CSMD1: variants seen among roughly 807,000 people sequenced by gnomAD.
CSMD1 encodes CUB and sushi domain-containing protein 1.
CSMD1 carries 213 observed loss-of-function variants against 417.5 expected under a neutral mutation model. The ratio of observed to expected loss-of-function variants is 0.51; its 90% CI spans 0.46 to 0.57. CSMD1 has a LOEUF of 0.57. CSMD1 is among the 20% of genes least tolerant of loss of function. The pLI is 0.00. For synonymous variants in CSMD1, 2,862 were observed against 1,736.8 expected, an observed-to-expected ratio of 1.65 and a Z score of -16.11; for missense variants, 6,923 against 4,529.7, an observed-to-expected ratio of 1.53 and a Z score of -15.17.
At chr8:4,563,178 G>T (rs1357927564) in intron 2 of CSMD1, among the ~76,000 whole-genome samples, 1 of 152,130 alleles carries the variant, frequency 6.6e-6, no homozygotes, top group African/African-American at 2.4e-5. Flanking sequence ...GAGGCAGGCG[G>T]ATCACGAGGT....
chr8:4,893,099 A>C (rs760753714), intron 1 of CSMD1, among the ~76,000 whole-genome samples: 2 of 152,080 alleles, frequency 1.3e-5, no homozygotes, highest in Non-Finnish European at 1.5e-5. Context: ...ACTGGATATT[A>C]TCTCTCTTTC....
At position 3,901,623 on chromosome 8, in the gene CSMD1, C is replaced by G. The variant is rs116126478; in HGVS notation, c.818+96280G>C. Among the ~76,000 whole-genome samples the G allele has an allele frequency of 5.5e-3, 842 of 152,236 alleles. 8 individuals are homozygous for G. Among genetic ancestry groups the G allele is most frequent in the African/African-American group, 0.019 (801 of 41,524 alleles). On this transcript the variant is annotated intron_variant, in intron 5 of 69. Transcript: ENST00000635120. ...CTTTTGATAGTTTCTCTGAAAACCA[C>G]CGAAGTAAAACAGTATCTGGCTCCT... is the stretch of plus-strand genomic sequence containing the variant.
At chr8:4,694,778 C>T (rs995319641) in intron 1 of CSMD1, among the ~76,000 whole-genome samples, 1 of 152,142 alleles carries the variant, frequency 6.6e-6, no homozygotes, top group Non-Finnish European at 1.5e-5. Context: ...GGCTGTGTCA[C>T]GGGACTGCGC....
chr8:3,612,491 C>A (rs576362129), intron 8 of CSMD1, among the ~76,000 whole-genome samples: 12 of 152,216 alleles, frequency 7.9e-5, no homozygotes, highest in African/African-American at 2.4e-4. Context: ...CACCCAACAA[C>A]ACTAAAATAT....
intron 3 of CSMD1, among the ~76,000 whole-genome samples, chr8:4,086,102 CTAGT>C (rs947403915): frequency 6.6e-6 from 1 of 152,146 alleles, no homozygotes; most frequent in African/African-American, 2.4e-5. Flanking sequence ...ATTTTTCCTA[CTAGT>C]TATTCTATGA....
intron 2 of CSMD1, among the ~76,000 whole-genome samples, chr8:4,601,677 C>T (rs558452329): frequency 1.3e-5 from 2 of 152,150 alleles, no homozygotes; most frequent in Non-Finnish European, 2.9e-5. Flanking sequence ...CCATACCCCT[C>T]ATCATGCAAT....
chr8:4,674,141 A>G lies in CSMD1; in HGVS notation c.86-36583T>C, dbSNP rs534471423. Among the ~76,000 whole-genome samples, 6 of 152,324 alleles carry G rather than the reference A, an allele frequency of 3.9e-5. No individual in the cohort carries two copies. In the South Asian group the frequency reaches 6.2e-4, roughly 16 times the overall value. ...ATTGGCCATCTCACAGCAGATGTCCACTGGAACCATAGATGAGGTGGGAAA... is the reference window on the plus strand; with the variant it reads ...ATTGGCCATCTCACAGCAGATGTCCGCTGGAACCATAGATGAGGTGGGAAA... On this transcript the variant is annotated intron_variant, in intron 1 of 69. Coordinates refer to ENST00000635120, the MANE Select transcript of CSMD1 (RefSeq NM_033225.6).
At chr8:3,620,194 C>G (rs2449236) in intron 7 of CSMD1, among the ~76,000 whole-genome samples, 103,052 of 151,834 alleles carry the variant, frequency 0.68, 35,371 homozygotes, top group African/African-American at 0.77. Context: ...TCTAGGAAAA[C>G]CATCCTTCAA....
chr8:4,907,570 G>T (rs117404406), intron 1 of CSMD1, among the ~76,000 whole-genome samples: 4 of 151,824 alleles, frequency 2.6e-5, no homozygotes, highest in African/African-American at 9.7e-5. Context: ...TTGTTTTATT[G>T]GTTTTTTGAG....
At chr8:3,918,789 C>T (rs187763358) in intron 5 of CSMD1, among the ~76,000 whole-genome samples, 78 of 152,158 alleles carry the variant, frequency 5.1e-4, no homozygotes, top group Admixed American at 4.3e-3. Context: ...GAAAACCAAA[C>T]ATTTTATGTT....
At chr8:3,485,676 C>T (rs1163888022) in intron 11 of CSMD1, among the ~76,000 whole-genome samples, 1 of 151,832 alleles carries the variant, frequency 6.6e-6, no homozygotes, top group African/African-American at 2.4e-5. Flanking sequence ...ATGAGAATCC[C>T]TTGAACTTGA....
intron 46 of CSMD1, 147 bp downstream of exon 46, chr8:3,106,381 G>C (rs1029836997): frequency 1.8e-6 from 1 of 545,668 alleles, no homozygotes; most frequent in Non-Finnish European, 3.2e-6. Context: ...CTGGGTGACA[G>C]AGTAAGACCC....
chr8:3,877,789 G>C (rs1805928857), intron 5 of CSMD1, among the ~76,000 whole-genome samples: 1 of 152,162 alleles, frequency 6.6e-6, no homozygotes, highest in African/African-American at 2.4e-5. Context: ...GGCATGTTAA[G>C]TTAAATGGAA....
chr8:3,813,819 A>C (rs1172123089), intron 5 of CSMD1, among the ~76,000 whole-genome samples: 2 of 152,142 alleles, frequency 1.3e-5, no homozygotes, highest in East Asian at 3.9e-4. Flanking sequence ...AACTTAAAGT[A>C]TGTCTTCTTG....
At chr8:3,801,910 C>T (rs1421947486) in intron 5 of CSMD1, among the ~76,000 whole-genome samples, 13 of 151,904 alleles carry the variant, frequency 8.6e-5, no homozygotes, top group Non-Finnish European at 1.8e-4. Context: ...ATACCCAATG[C>T]CTAGGGTATA....
chr8:3,044,175 T>C (rs1279129753), intron 50 of CSMD1, among the ~76,000 whole-genome samples: 4 of 152,212 alleles, frequency 2.6e-5, no homozygotes, highest in Non-Finnish European at 5.9e-5. Flanking sequence ...TACCATGTCA[T>C]AGTGAGCATT....
intron 1 of CSMD1, among the ~76,000 whole-genome samples, chr8:4,800,783 G>T (rs1283020894): frequency 6.6e-6 from 1 of 152,204 alleles, no homozygotes; most frequent in Non-Finnish European, 1.5e-5. Context: ...CACCACCTAG[G>T]AGGTGGGTTT....
chr8:3,426,476 G>T lies in CSMD1; in HGVS notation c.1562-16871C>A, dbSNP rs1361277940. Among the ~76,000 whole-genome samples, 4 of 152,146 alleles carry T rather than the reference G, an allele frequency of 2.6e-5. No homozygotes were observed. In the South Asian group the frequency reaches 6.2e-4, roughly 24 times the overall value. On this transcript the variant is annotated intron_variant, in intron 12 of 69. Coordinates refer to ENST00000635120, the MANE Select transcript of CSMD1 (RefSeq NM_033225.6). ...AATCAATTAATGGAAAAGGAAGCTG[G>T]AGACTGTCCACCTGCTCTTTCCCTC... is the stretch of plus-strand genomic sequence containing the variant.
chr8:4,428,558 A>G (rs1797694282), intron 2 of CSMD1, among the ~76,000 whole-genome samples: 1 of 152,180 alleles, frequency 6.6e-6, no homozygotes, highest in Admixed American at 6.5e-5. Context: ...GTATTTTCCT[A>G]CAATAAACTT....
Sources: gnomAD v4.1 joint callset for allele counts (sites outside exome capture counted in the v4.1 genomes callset) on GRCh38, gnomAD v4.1.1 for gene constraint, MANE v1.5 for transcripts, NCBI Gene and HGNC (gene_info 2026-07-23, HGNC 2026-07-21) for gene names.